GALNTL6: variants seen among roughly 807,000 people sequenced by gnomAD.
GALNTL6 encodes the protein polypeptide N-acetylgalactosaminyltransferase-like 6.
A neutral mutation model predicts 73.7 loss-of-function variants in GALNTL6; 46 were observed. The ratio of observed to expected loss-of-function variants is 0.62; its 90% CI spans 0.49 to 0.80. The LOEUF (loss-of-function observed/expected upper bound fraction) is 0.80. GALNTL6 is among the 30% of genes least tolerant of loss of function. The pLI, the probability that GALNTL6 is intolerant of heterozygous loss-of-function variation, is 0.00. For synonymous variants in GALNTL6, 259 were observed against 263.7 expected (o/e 0.98, Z 0.17); for missense variants, 604 against 755.0 (o/e 0.80, Z 2.34).
At chr4:172,832,198 T>C (rs752978720) in intron 7 of GALNTL6, among the ~76,000 whole-genome samples, 28 of 152,302 alleles carry the variant, frequency 1.8e-4, no homozygotes, top group East Asian at 7.7e-4. Flanking sequence ...CACTTCTTGA[T>C]CTGTCTGACT....
Position 172,667,988 on chromosome 4 carries a change from G to T in GALNTL6, c.554-141373G>T, listed in dbSNP as rs1273333431. Reference sequence around the variant, plus strand: ...GAAACAGAAATGCCTCAAATTTTGGGATCTACTTATGATAGCCTTCCCTCT... The same window carrying T: ...GAAACAGAAATGCCTCAAATTTTGGTATCTACTTATGATAGCCTTCCCTCT... On this transcript the variant is annotated intron_variant, in intron 5 of 12. Transcript: ENST00000506823. The T allele has an allele frequency of 3.3e-5, 5 of 152,148 alleles. No individual in the cohort carries two copies. In the East Asian group the frequency reaches 7.7e-4, roughly 23 times the overall value. The allele number at this position is 152,148 out of a possible 1,614,324, so 9.4% of individuals were successfully genotyped here.
chr4:172,816,570 A>G (rs1287672031), intron 7 of GALNTL6, among the ~76,000 whole-genome samples: 1 of 152,210 alleles, frequency 6.6e-6, no homozygotes, highest in African/African-American at 2.4e-5. Flanking sequence ...ATTTCTTCAC[A>G]TAGACTACAC....
intron 2 of GALNTL6, among the ~76,000 whole-genome samples, chr4:172,017,544 T>C (rs1230562568): frequency 6.6e-6 from 1 of 152,016 alleles, no homozygotes; most frequent in Non-Finnish European, 1.5e-5. Flanking sequence ...CCAAGACCCC[T>C]CACAATCACA....
intron 2 of GALNTL6, among the ~76,000 whole-genome samples, chr4:171,869,487 T>A (rs1304186690): frequency 6.6e-6 from 1 of 152,172 alleles, no homozygotes; most frequent in Non-Finnish European, 1.5e-5. Context: ...CCAACCTTTT[T>A]GTTTTTCTCC....
At chr4:172,351,201 A>G (rs771186773) in intron 5 of GALNTL6, among the ~76,000 whole-genome samples, 69 of 152,132 alleles carry the variant, frequency 4.5e-4, no homozygotes, top group South Asian at 6.2e-4. Context: ...CTATCTATCT[A>G]TCTATCTATC....
chr4:172,774,778 G>A (rs978886011), intron 5 of GALNTL6, among the ~76,000 whole-genome samples: 8 of 151,982 alleles, frequency 5.3e-5, no homozygotes, highest in African/African-American at 1.2e-4. Context: ...TGGGCAACAC[G>A]GTGAAACCCC....
intron 2 of GALNTL6, among the ~76,000 whole-genome samples, chr4:171,989,260 G>C (rs1349488888): frequency 6.6e-6 from 1 of 152,168 alleles, no homozygotes. Context: ...TGATGGTCTA[G>C]GGGGCTTCTG....
At chr4:172,012,919 C>A (rs890772302) in intron 2 of GALNTL6, among the ~76,000 whole-genome samples, 18 of 152,048 alleles carry the variant, frequency 1.2e-4, no homozygotes, top group Non-Finnish European at 2.2e-4. Flanking sequence ...CTCCCTCACC[C>A]CCAAAAGTTC....
At chr4:172,921,973 C>A (rs1561035073) in intron 8 of GALNTL6, among the ~76,000 whole-genome samples, 1 of 152,136 alleles carries the variant, frequency 6.6e-6, no homozygotes, top group Non-Finnish European at 1.5e-5. Context: ...ACCCAAATCT[C>A]AACTTGAATT....
At chr4:172,949,589 GT>G (rs34914760) in intron 9 of GALNTL6, among the ~76,000 whole-genome samples, 6,158 of 150,716 alleles carry the variant, frequency 0.041, 190 homozygotes, top group Non-Finnish European at 0.066. Flanking sequence ...TTATCAACTA[GT>G]TTTTTTTTAT....
chr4:172,664,240 T>C (rs1731538900), intron 5 of GALNTL6, among the ~76,000 whole-genome samples: 1 of 152,224 alleles, frequency 6.6e-6, no homozygotes, highest in Admixed American at 6.5e-5. Context: ...TGTTCTTCCT[T>C]TGAGTTTCTT....
Position 172,993,709 on chromosome 4 carries a change from T to C in GALNTL6, c.1372-15469T>C, listed in dbSNP as rs10020137. Among the ~76,000 whole-genome samples, 488 of 152,356 alleles carry C rather than the reference T, an allele frequency of 3.2e-3. 1 individual carries two copies. Among genetic ancestry groups the C allele is most frequent in the African/African-American group, 0.011 (440 of 41,586 alleles). On this transcript the variant is annotated intron_variant, in intron 10 of 12. Transcript: ENST00000506823. Reference sequence around the variant, plus strand: ...GCTCTGTTATCATTTTGTTTTGTTCTGTTCTGCTTTATTTTCAGGGAGAAA... The same window carrying C: ...GCTCTGTTATCATTTTGTTTTGTTCCGTTCTGCTTTATTTTCAGGGAGAAA...
intron 2 of GALNTL6, among the ~76,000 whole-genome samples, chr4:171,853,475 T>A: frequency 6.6e-6 from 1 of 151,506 alleles, no homozygotes; most frequent in Non-Finnish European, 1.5e-5. Flanking sequence ...TTTCTTTTTT[T>A]TCTGTTCTTT....
At chr4:172,957,005 C>T (rs1165854786) in intron 10 of GALNTL6, among the ~76,000 whole-genome samples, 1 of 152,120 alleles carries the variant, frequency 6.6e-6, no homozygotes, top group African/African-American at 2.4e-5. Context: ...AAGAGATGAC[C>T]GTGGTGGCCT....
intron 5 of GALNTL6, among the ~76,000 whole-genome samples, chr4:172,570,120 G>C (rs921471830): frequency 6.6e-5 from 10 of 152,150 alleles, no homozygotes; most frequent in Non-Finnish European, 1.5e-4. Flanking sequence ...AGAATACATG[G>C]GAGCTGAGGC....
intron 2 of GALNTL6, among the ~76,000 whole-genome samples, chr4:171,880,664 G>A (rs962984755): frequency 6.6e-6 from 1 of 152,120 alleles, no homozygotes; most frequent in African/African-American, 2.4e-5. Context: ...ATTGTAAAAG[G>A]CAAAGCAGAA....
At chr4:172,027,187 A>G (rs1560890861) in intron 2 of GALNTL6, among the ~76,000 whole-genome samples, 1 of 152,162 alleles carries the variant, frequency 6.6e-6, no homozygotes, top group Admixed American at 6.6e-5. Flanking sequence ...AAAGCCACTA[A>G]GCCTGGCCTG....
intron 2 of GALNTL6, among the ~76,000 whole-genome samples, chr4:171,879,292 G>C (rs1274303118): frequency 1.3e-5 from 2 of 152,070 alleles, no homozygotes; most frequent in Admixed American, 1.3e-4. Context: ...GAAAGAAAAA[G>C]TTTACCCCAA....
chr4:172,293,445 A>T (rs1452787966), intron 3 of GALNTL6, among the ~76,000 whole-genome samples: 1 of 14,876 alleles, frequency 6.7e-5, no homozygotes, highest in East Asian at 0.25. Flanking sequence ...CAATACAATG[A>T]AAAACCTCAA....
Sources: gnomAD v4.1 joint callset for allele counts (sites outside exome capture counted in the v4.1 genomes callset) on GRCh38, gnomAD v4.1.1 for gene constraint, MANE v1.5 for transcripts, NCBI Gene and HGNC (gene_info 2026-07-23, HGNC 2026-07-21) for gene names.